GAB2: variants seen among roughly 807,000 people sequenced by gnomAD.
GAB2 encodes the protein GRB2 associated binding protein 2.
A neutral mutation model predicts 65.5 loss-of-function variants in GAB2; 26 were observed. That is an observed-to-expected ratio of 0.40 (90% CI 0.29 to 0.55). The LOEUF is 0.55. Among genes scored for constraint, GAB2 ranks in the 20% least tolerant of loss-of-function variants. The probability of loss-of-function intolerance (pLI) is 0.53; values close to 1 mark genes in which losing one functional copy is unlikely to be tolerated. For synonymous variants in GAB2, 321 were observed against 329.6 expected (o/e 0.97, Z 0.28); for missense variants, 884 against 875.8 (o/e 1.01, Z -0.12).
At chr11:78,341,726 T>C (rs1856098236) in intron 1 of GAB2, 2 of 981,562 alleles carry the variant, frequency 2.0e-6, no homozygotes, top group South Asian at 4.7e-5. Context: ...TGCTAGGTAC[T>C]TGCCCGCCAT....
chr11:78,252,713 C>G lies in GAB2; in HGVS notation c.377-2313G>C, dbSNP rs187526973. ...GCTGACAACTCTCAAATCTTCATCT[C>G]TAGCTCAGTTCTCTCTCCGGGACTC... On this transcript the variant is annotated intron_variant, in intron 2 of 9. Coordinates refer to ENST00000361507, the MANE Select transcript of GAB2 (RefSeq NM_080491.3). Among the ~76,000 whole-genome samples, 11 of 152,268 alleles carry G rather than the reference C, an allele frequency of 7.2e-5. No individual in the cohort carries two copies. The East Asian group carries it at 2.1e-3, about 29-fold the overall frequency.
At chr11:78,403,873 G>A (rs1391260719) in intron 1 of GAB2, among the ~76,000 whole-genome samples, 1 of 152,048 alleles carries the variant, frequency 6.6e-6, no homozygotes, top group East Asian at 1.9e-4. Flanking sequence ...TATATAAGGA[G>A]CTCAAAGTCA....
At chr11:78,261,448 A>G (rs1196944886) in intron 2 of GAB2, among the ~76,000 whole-genome samples, 2 of 152,236 alleles carry the variant, frequency 1.3e-5, no homozygotes. Context: ...AGAAATTGTT[A>G]TCACTTAGTG....
intron 1 of GAB2, among the ~76,000 whole-genome samples, chr11:78,305,766 A>G (rs1283894132): frequency 3.9e-5 from 6 of 152,216 alleles, no homozygotes; most frequent in African/African-American, 1.4e-4. Context: ...ACCCTGAGGA[A>G]TAGGGCTCTC....
intron 2 of GAB2, among the ~76,000 whole-genome samples, chr11:78,279,087 G>A (rs1368705671): frequency 6.6e-6 from 1 of 151,956 alleles, no homozygotes; most frequent in Non-Finnish European, 1.5e-5. Flanking sequence ...CAAAGATTTG[G>A]GGAAAACAGG....
At chr11:78,301,848 A>G (rs1304148085) in intron 1 of GAB2, among the ~76,000 whole-genome samples, 1 of 152,242 alleles carries the variant, frequency 6.6e-6, no homozygotes, top group Non-Finnish European at 1.5e-5. Flanking sequence ...ACAGGCACAT[A>G]GACCAATGGA....
intron 1 of GAB2, among the ~76,000 whole-genome samples, chr11:78,343,102 C>CT (rs1423868562): frequency 6.6e-6 from 1 of 152,040 alleles, no homozygotes; most frequent in Non-Finnish European, 1.5e-5. Flanking sequence ...AAATTAGTTA[C>CT]TTTTTTGAGG....
At chr11:78,312,185 TAA>T (rs11447471) in intron 1 of GAB2, among the ~76,000 whole-genome samples, 96 of 137,920 alleles carry the variant, frequency 7.0e-4, no homozygotes, top group African/African-American at 8.5e-4. Context: ...CTGTGGAGTT[TAA>T]AAAAAAAAAA....
intron 1 of GAB2, among the ~76,000 whole-genome samples, chr11:78,373,867 T>C (rs1022758014): frequency 1.3e-5 from 2 of 152,192 alleles, no homozygotes; most frequent in South Asian, 2.1e-4. Flanking sequence ...ATAGCTCCTC[T>C]AAAACAAGGT....
intron 3 of GAB2, among the ~76,000 whole-genome samples, chr11:78,243,644 T>G (rs548378862): frequency 6.6e-6 from 1 of 151,646 alleles, no homozygotes; most frequent in South Asian, 2.1e-4. Flanking sequence ...ATCGAGACCA[T>G]CCTGGCTCAC....
chr11:78,261,186 G>A (rs190134221), intron 2 of GAB2, among the ~76,000 whole-genome samples: 2 of 152,310 alleles, frequency 1.3e-5, no homozygotes, highest in East Asian at 3.9e-4. Flanking sequence ...GGGCTGGGGA[G>A]CTGAGGTGGG....
chr11:78,223,368 C>G, intron 6 of GAB2, 44 bp downstream of exon 6: 1 of 1,443,046 alleles, frequency 6.9e-7, no homozygotes, highest in Non-Finnish European at 9.2e-7. Flanking sequence ...GAAAGAGTCC[C>G]TAGCCACTGT....
At chr11:78,250,650 G>A (rs1197426477) in intron 2 of GAB2, among the ~76,000 whole-genome samples, 1 of 152,032 alleles carries the variant, frequency 6.6e-6, no homozygotes, top group Non-Finnish European at 1.5e-5. Context: ...GGCCATATCT[G>A]CCCCACTTCC....
rs749023909 is a variant in GAB2 at position 78,221,722 on chromosome 11, G to A, written c.1716C>T (p.Ile572=). 5 of 1,613,852 alleles carry A rather than the reference G, an allele frequency of 3.1e-6. No homozygotes were observed. The highest frequency in any genetic ancestry group is 4.2e-6 in the Non-Finnish European group (5 of 1,179,806). ...CGCTGTCTCCTGAGTCTGTGCTGGT[G>A]ATGCTCTGGGTGGAGATGGGGCGGC... ...QYCRPISTQS[I]TSTDSGDSEE... is the part of the protein sequence containing the mutation. Residue 572 remains isoleucine, a synonymous_variant, in exon 8 of 10, where the codon ATC becomes ATT. Transcript: ENST00000361507.
At chr11:78,238,206 C>CAAAAAAAAAAAAAAAA (rs10541492) in intron 3 of GAB2, among the ~76,000 whole-genome samples, 4 of 104,800 alleles carry the variant, frequency 3.8e-5, no homozygotes, top group Non-Finnish European at 5.8e-5. Flanking sequence ...AGGGAAGAAA[C>CAAAAAAAAAAAAAAAA]AAAAAAAAAA....
intron 2 of GAB2, among the ~76,000 whole-genome samples, chr11:78,267,420 C>T (rs77609934): frequency 0.016 from 2,378 of 152,344 alleles, 71 homozygotes; most frequent in Admixed American, 0.065. Flanking sequence ...GGTGAAAACA[C>T]TGCCTCTTTG....
At chr11:78,398,558 TA>T (rs1856931334) in intron 1 of GAB2, among the ~76,000 whole-genome samples, 1 of 152,204 alleles carries the variant, frequency 6.6e-6, no homozygotes, top group Non-Finnish European at 1.5e-5. Flanking sequence ...TACTTTTGTG[TA>T]TGACTGAAAT....
intron 2 of GAB2, among the ~76,000 whole-genome samples, chr11:78,262,005 T>A (rs538983502): frequency 3.7e-4 from 57 of 152,312 alleles, no homozygotes; most frequent in South Asian, 1.0e-3. Flanking sequence ...ACAGTGACTC[T>A]GAGACAACTG....
chr11:78,229,664 G>A (rs756866498), intron 3 of GAB2, among the ~76,000 whole-genome samples: 4 of 152,044 alleles, frequency 2.6e-5, no homozygotes, highest in East Asian at 1.9e-4. Flanking sequence ...TTTCAACACC[G>A]CCTCAATGCT....
Sources: allele counts gnomAD v4.1 joint callset (sites outside exome capture counted in the v4.1 genomes callset), GRCh38; gene constraint gnomAD v4.1.1; transcripts MANE v1.5; gene names NCBI Gene and HGNC (gene_info 2026-07-23, HGNC 2026-07-21).